Variants in SLC25A12 observed in about 807,000 individuals in gnomAD.
The protein encoded by SLC25A12 is solute carrier family 25 member 12, also known as electrogenic aspartate/glutamate antiporter SLC25A12, mitochondrial.
In SLC25A12, 32 loss-of-function variants were observed where a neutral mutation model predicts 83.3. The ratio of observed to expected loss-of-function variants is 0.38; its 90% CI spans 0.29 to 0.52. SLC25A12 has a LOEUF of 0.52. Ranked by LOEUF, SLC25A12 falls within the 20% of genes least tolerant of loss-of-function variation. The pLI, the probability that SLC25A12 is intolerant of heterozygous loss-of-function variation, is 0.84. For missense variants in SLC25A12, 611 were observed against 835.6 expected (o/e 0.73, Z 3.31); for synonymous variants, 267 against 291.1 (o/e 0.92, Z 0.84).
chr2:171,876,555 G>GT (rs1558941996), intron 2 of SLC25A12, among the ~76,000 whole-genome samples: 1 of 117,504 alleles, frequency 8.5e-6, no homozygotes, highest in Non-Finnish European at 1.8e-5. Flanking sequence ...GGGGGGGGGG[G>GT]ACTCAAGTGA....
intron 10 of SLC25A12, among the ~76,000 whole-genome samples, chr2:171,814,239 C>G (rs1205412586): frequency 6.6e-6 from 1 of 152,082 alleles, no homozygotes; most frequent in Non-Finnish European, 1.5e-5. Flanking sequence ...AGCTTCTTCT[C>G]AACAAAGCAA....
intron 5 of SLC25A12, among the ~76,000 whole-genome samples, chr2:171,840,946 C>T (rs941303606): frequency 1.3e-5 from 2 of 152,172 alleles, no homozygotes; most frequent in Non-Finnish European, 2.9e-5. Context: ...GAGAATGGCA[C>T]TGTGGCAACA....
In SLC25A12 at chr2:171,785,440, C is replaced by A; in HGVS notation, c.1871G>T (p.Arg624Leu). 6.2e-7 allele frequency: 1 copy of A among 1,614,160 alleles called. No individual in the cohort carries two copies. The highest frequency in any genetic ancestry group is 8.5e-7 in the Non-Finnish European group (1 of 1,180,040). Residue 624 changes from arginine (R) to leucine (L), a missense_variant, in exon 18 of 18, where the codon CGC becomes CTC. Arg to Leu is a moderately radical substitution (Grantham distance 102). Around this residue, in one of 3 missense-constraint regions of SLC25A12, gnomAD observed 540 missense variants for 777.5 expected, o/e 0.69. Coordinates refer to ENST00000422440, the MANE Select transcript of SLC25A12 (RefSeq NM_003705.5). Reference sequence around the variant, plus strand: ...GTTGGCAGGAGGAAGGTCTGCAATGCGTGACTTAGGTGTTGGTTCTGAACC... The same window carrying A: ...GTTGGCAGGAGGAAGGTCTGCAATGAGTGACTTAGGTGTTGGTTCTGAACC... The part of the protein sequence containing the change: ...PAGSEPTPKS[R>L]IADLPPANPD...
chr2:171,791,488 C>T lies in SLC25A12; in HGVS notation c.1548G>A (p.Val516=), dbSNP rs772468981. ...KLLLADENGH[V]GGLNLLAAGA... ...CAGCTGCAAGAAGATTTAAACCTCC[C>T]ACGTGTCCATTTTCATCAGCCAGAA... The change falls in exon 15 of 18, where the codon GTG becomes GTA. Residue 516 remains valine (V), a synonymous_variant. Coordinates refer to ENST00000422440, the MANE Select transcript of SLC25A12 (RefSeq NM_003705.5). 3.7e-6 allele frequency: 6 copies of T among 1,614,020 alleles called. No homozygotes were observed. In the Admixed American group the frequency reaches 5.0e-5, roughly 13 times the overall value.
At chr2:171,851,430 C>T (rs1348573654) in intron 4 of SLC25A12, among the ~76,000 whole-genome samples, 4 of 150,558 alleles carry the variant, frequency 2.7e-5, no homozygotes, top group Non-Finnish European at 5.9e-5. Flanking sequence ...ACCTTGTGAT[C>T]CTCCTGCCTT....
At chr2:171,817,594 C>A (rs1684079792) in intron 9 of SLC25A12, among the ~76,000 whole-genome samples, 2 of 57,994 alleles carry the variant, frequency 3.4e-5, no homozygotes, top group South Asian at 9.3e-4. Context: ...GAGCAAGACT[C>A]TGCCTCAAAA....
rs1269548589 is a variant in SLC25A12 at position 171,837,106 on chromosome 2, T to C, written c.612+15A>G. 6.2e-7 allele frequency: 1 copy of C among 1,613,616 alleles called. No individual in the cohort carries two copies. Among genetic ancestry groups the C allele is most frequent in the South Asian group, 1.1e-5 (1 of 91,062 alleles). On this transcript the variant is annotated intron_variant, in intron 6 of 17. Coordinates refer to ENST00000422440, the MANE Select transcript of SLC25A12 (RefSeq NM_003705.5). ...TTGAGGAAATAGAAAGTTAAAGAACTTGCTTTTTACTTACTGAAACTAAGT... is the reference window on the plus strand; with the variant it reads ...TTGAGGAAATAGAAAGTTAAAGAACCTGCTTTTTACTTACTGAAACTAAGT...
At chr2:171,873,651 A>G (rs1023781038) in intron 2 of SLC25A12, among the ~76,000 whole-genome samples, 26 of 152,098 alleles carry the variant, frequency 1.7e-4, no homozygotes, top group Non-Finnish European at 4.4e-5. Context: ...TCTGTTCCCA[A>G]TCACTCAATT....
At chr2:171,871,643 G>T in intron 2 of SLC25A12, 1 of 843,210 alleles carries the variant, frequency 1.2e-6, no homozygotes, top group South Asian at 5.4e-5. Context: ...TTGTAATAGC[G>T]ACTTCCTAGT....
rs188833316 is a variant in SLC25A12, at chr2:171,796,360, T to C, written c.1306-2593A>G. ...ACAGGACATAACCACAAAACTCAAT[T>C]GATGTGCATTTATAAACACATATAA... On this transcript the variant is annotated intron_variant, in intron 13 of 17. Coordinates refer to ENST00000422440, the MANE Select transcript of SLC25A12 (RefSeq NM_003705.5). Among the ~76,000 whole-genome samples, 44 of 152,300 alleles carry C rather than the reference T, an allele frequency of 2.9e-4. No homozygotes were observed. In the East Asian group the frequency reaches 7.7e-3, roughly 27 times the overall value.
chr2:171,799,801 G>A (rs1335337270), intron 13 of SLC25A12, among the ~76,000 whole-genome samples: 2 of 152,188 alleles, frequency 1.3e-5, no homozygotes, highest in Admixed American at 1.3e-4. Flanking sequence ...GGGAAAGAAC[G>A]TGTTCTCCAG....
Position 171,826,999 on chromosome 2 carries a change from C to A in SLC25A12, c.846-117G>T, listed in dbSNP as rs1684316651. On this transcript the variant is annotated intron_variant, in intron 8 of 17. Coordinates refer to ENST00000422440, the MANE Select transcript of SLC25A12 (RefSeq NM_003705.5). ...GAACTATAGTTTAAAATCATTACTT[C>A]CCTATTTACACAGATCATTTTAGTG... is the stretch of plus-strand genomic sequence containing the variant. 3 of 700,210 alleles carry A rather than the reference C, an allele frequency of 4.3e-6. No individual in the cohort carries two copies. The Admixed American group carries it at 7.1e-5, about 17-fold the overall frequency. The allele number at this position is 700,210 out of a possible 1,614,324, so 43.4% of individuals were successfully genotyped here.
chr2:171,787,608 G>A lies in SLC25A12; in HGVS notation c.1798C>T (p.Leu600Phe). The change falls in exon 17 of 18, where the codon CTT becomes TTT. Residue 600 changes from leucine to phenylalanine, a missense_variant. Around this residue, in one of 3 missense-constraint regions of SLC25A12, gnomAD observed 540 missense variants for 777.5 expected, o/e 0.69. Transcript: ENST00000422440. ...TCAATGTAAAACCACCGCTGGAGAA[G>A]TTCATAAGTGACCAAGGTAACACCA... ...QFGVTLVTYE[L>F]LQRWFYIDFG... The A allele has an allele frequency of 6.2e-7, 1 of 1,614,168 alleles. No homozygotes were observed. The highest frequency in any genetic ancestry group is 8.5e-7 in the Non-Finnish European group (1 of 1,180,022).
intron 9 of SLC25A12, among the ~76,000 whole-genome samples, chr2:171,823,680 TGCAGTGGCTCACA>T (rs952959860): frequency 7.2e-5 from 11 of 152,124 alleles, no homozygotes; most frequent in African/African-American, 2.7e-4. Flanking sequence ...TTTAGCTGAG[TGCAGTGGCTCACA>T]CACACTGTAA....
At chr2:171,803,690 GCAGGAAGATCACTTGAGGC>G (rs1406776914) in intron 13 of SLC25A12, among the ~76,000 whole-genome samples, 1 of 152,158 alleles carries the variant, frequency 6.6e-6, no homozygotes, top group Non-Finnish European at 1.5e-5. Context: ...GGAGGATGGG[GCAGGAAGATCACTTGAGGC>G]CAGGAGTTCG....
intron 2 of SLC25A12, among the ~76,000 whole-genome samples, chr2:171,876,172 T>G (rs916888855): frequency 2.6e-5 from 4 of 152,164 alleles, no homozygotes; most frequent in African/African-American, 9.7e-5. Flanking sequence ...CCACTTACCC[T>G]GAGGTATTTT....
intron 1 of SLC25A12, among the ~76,000 whole-genome samples, chr2:171,893,782 T>A (rs2105938386): frequency 1.3e-5 from 2 of 152,274 alleles, no homozygotes; most frequent in South Asian, 4.1e-4. Flanking sequence ...AGCCAACCAC[T>A]GCCCTCGGCC....
chr2:171,825,891 T>G (rs968206074), intron 9 of SLC25A12, among the ~76,000 whole-genome samples: 2 of 152,236 alleles, frequency 1.3e-5, no homozygotes, highest in Non-Finnish European at 2.9e-5. Context: ...CTTACCAAGA[T>G]AGTATTTGTA....
At chr2:171,824,458 T>A (rs1438877421) in intron 9 of SLC25A12, among the ~76,000 whole-genome samples, 1 of 152,196 alleles carries the variant, frequency 6.6e-6, no homozygotes, top group Non-Finnish European at 1.5e-5. Flanking sequence ...TTAAATTCAA[T>A]GTTTTTAATA....
Sources: allele counts gnomAD v4.1 joint callset (sites outside exome capture counted in the v4.1 genomes callset), GRCh38; gene constraint gnomAD v4.1.1; regional missense constraint gnomAD v4.1.1; transcripts MANE v1.5; gene names NCBI Gene and HGNC (gene_info 2026-07-23, HGNC 2026-07-21).